The following AVEN variants were observed in gnomAD, a reference collection of about 807,000 sequenced individuals.
AVEN encodes cell death regulator Aven.
AVEN carries 41 observed loss-of-function variants against 38.1 expected under a neutral mutation model. That is an observed-to-expected ratio of 1.08 (90% CI 0.84 to 1.40). The LOEUF (loss-of-function observed/expected upper bound fraction) is 1.40, where lower values mean the gene tolerates loss of function less well. Among genes scored for constraint, AVEN ranks in the 40% most tolerant of loss-of-function variants. The pLI is 0.00. For synonymous variants in AVEN, 206 were observed against 171.8 expected (o/e 1.20, Z -1.56); for missense variants, 605 against 438.8 (o/e 1.38, Z -3.38).
downstream of AVEN, among the ~76,000 whole-genome samples, chr15:33,861,368 C>T (rs979240576): frequency 1.7e-4 from 26 of 152,006 alleles, no homozygotes; most frequent in Admixed American, 1.3e-4. Flanking sequence ...GGACAATTCC[C>T]GCTCCTAGCA....
At chr15:33,890,999 C>T (rs1316287852) in intron 2 of AVEN, among the ~76,000 whole-genome samples, 1 of 151,932 alleles carries the variant, frequency 6.6e-6, no homozygotes, top group Non-Finnish European at 1.5e-5. Context: ...GTCCCAGCTA[C>T]TTGAGAGGCT....
intron 2 of AVEN, among the ~76,000 whole-genome samples, chr15:34,002,407 C>A (rs1321366374): frequency 6.6e-6 from 1 of 152,092 alleles, no homozygotes; most frequent in East Asian, 1.9e-4. Flanking sequence ...CAGTAGGGAC[C>A]CTGCAGCCAT....
intron 2 of AVEN, among the ~76,000 whole-genome samples, chr15:33,933,514 CACACACACACAGAG>C (rs1421685038): frequency 4.3e-4 from 52 of 120,526 alleles, no homozygotes; most frequent in African/African-American, 1.6e-3. Context: ...CACACACACA[CACACACACACAGAG>C]AGAGAGAGAG....
intron 2 of AVEN, among the ~76,000 whole-genome samples, chr15:33,989,184 T>C (rs1292469159): frequency 1.3e-5 from 2 of 151,878 alleles, no homozygotes; most frequent in African/African-American, 4.8e-5. Flanking sequence ...AGAAGATGAG[T>C]TAATGATCAT....
chr15:34,017,009 T>C (rs1897946013), intron 1 of AVEN, among the ~76,000 whole-genome samples: 1 of 72,804 alleles, frequency 1.4e-5, no homozygotes. Flanking sequence ...CACATCCCTG[T>C]AGTCCAAGCT....
intron 2 of AVEN, among the ~76,000 whole-genome samples, chr15:33,906,445 T>C (rs1159551825): frequency 6.6e-6 from 1 of 152,254 alleles, no homozygotes; most frequent in South Asian, 2.1e-4. Context: ...CACTTGAGTT[T>C]GCTTTCACCT....
chr15:34,005,425 T>C (rs1822331766), intron 1 of AVEN, among the ~76,000 whole-genome samples: 1 of 147,042 alleles, frequency 6.8e-6, no homozygotes, highest in African/African-American at 2.4e-5. Context: ...CATGGTATTA[T>C]TTACAGATTT....
At chr15:33,890,513 G>A (rs1414831955) in intron 2 of AVEN, among the ~76,000 whole-genome samples, 1 of 152,130 alleles carries the variant, frequency 6.6e-6, no homozygotes, top group Admixed American at 6.6e-5. Flanking sequence ...AGAGAAATAA[G>A]GGGGGAAATC....
rs772530130 is a variant in AVEN, at chr15:33,867,756, T to C, written c.712A>G (p.Arg238Gly). The C allele has an allele frequency of 6.2e-7, 1 of 1,614,158 alleles. No individual in the cohort carries two copies. The highest frequency in any genetic ancestry group is 1.1e-5 in the South Asian group (1 of 91,084). The change falls in exon 5 of 6, where the codon AGG becomes GGG. Residue 238 changes from arginine to glycine, a missense_variant. Transcript: ENST00000306730. Reference protein sequence around the residue: ...QLKGPLGPGGRGPIFELKSVA... With the variant: ...QLKGPLGPGGGGPIFELKSVA... ...GATTTCAGCTCAAAGATGGGCCCCC[T>C]TCCTCCAGGCCCCAAGGGCCCCTTT...
intron 3 of AVEN, among the ~76,000 whole-genome samples, chr15:33,873,963 G>C (rs942736374): frequency 6.6e-6 from 1 of 152,058 alleles, no homozygotes; most frequent in South Asian, 2.1e-4. Context: ...TCAGGCTCTC[G>C]TTCTTTCCCA....
chr15:33,983,200 GTATATA>G (rs769965010), intron 2 of AVEN, among the ~76,000 whole-genome samples: 10,258 of 63,920 alleles, frequency 0.16, 603 homozygotes, highest in South Asian at 0.4. Context: ...GTATGTGTGT[GTATATA>G]TATATATACA....
At chr15:33,962,457 C>T (rs996057600) in intron 2 of AVEN, among the ~76,000 whole-genome samples, 1 of 152,148 alleles carries the variant, frequency 6.6e-6, no homozygotes, top group Non-Finnish European at 1.5e-5. Flanking sequence ...CCCATCATAC[C>T]TAGATACCTA....
At chr15:33,861,211 G>C in intron 11 of AVEN, 1 of 1,496,990 alleles carries the variant, frequency 6.7e-7, no homozygotes, top group Non-Finnish European at 9.1e-7. Context: ...AGTAATGGCA[G>C]CTGTAGCGTA....
downstream of AVEN, among the ~76,000 whole-genome samples, chr15:33,861,329 CTCTCCCA>C (rs1477343884): frequency 2.0e-5 from 3 of 152,298 alleles, no homozygotes; most frequent in South Asian, 6.2e-4. Context: ...TAGACTCTGT[CTCTCCCA>C]TGTGTGATAG....
intron 1 of AVEN, among the ~76,000 whole-genome samples, chr15:34,017,473 A>ATTTTTTTTTGTTTTTT (rs1897967722): frequency 9.9e-6 from 1 of 101,452 alleles, no homozygotes. Context: ...TTTCAGTATG[A>ATTTTTTTTTGTTTTTT]TTTTTTTTTT....
At chr15:33,897,741 C>A (rs1355708042) in intron 2 of AVEN, among the ~76,000 whole-genome samples, 4 of 151,982 alleles carry the variant, frequency 2.6e-5, no homozygotes, top group Non-Finnish European at 5.9e-5. Flanking sequence ...ATGTATGCAG[C>A]CATGGTGGTG....
At chr15:33,891,700 G>A (rs1354411305) in intron 2 of AVEN, among the ~76,000 whole-genome samples, 2 of 152,192 alleles carry the variant, frequency 1.3e-5, no homozygotes, top group African/African-American at 2.4e-5. Context: ...AGGTGTGCAT[G>A]TGTCTTTATA....
chr15:34,012,948 G>A (rs779434432), intron 1 of AVEN, among the ~76,000 whole-genome samples: 7 of 152,014 alleles, frequency 4.6e-5, no homozygotes, highest in Non-Finnish European at 8.8e-5. Context: ...CATTGTCATG[G>A]TCTGTTTTAA....
chr15:33,879,409 G>C (rs937713940), intron 2 of AVEN, among the ~76,000 whole-genome samples: 1 of 115,978 alleles, frequency 8.6e-6, no homozygotes, highest in Non-Finnish European at 1.7e-5. Context: ...TTGTGGGGTG[G>C]GGGGAGGGGG....
Sources: gnomAD v4.1 joint callset for allele counts (sites outside exome capture counted in the v4.1 genomes callset) on GRCh38, gnomAD v4.1.1 for gene constraint, MANE v1.5 for transcripts, NCBI Gene and HGNC (gene_info 2026-07-23, HGNC 2026-07-21) for gene names.